ATAD3B: variants seen among roughly 807,000 people sequenced by gnomAD.
ATAD3B encodes ATPase family AAA domain-containing protein 3B.
In ATAD3B, 59 loss-of-function variants were observed where a neutral mutation model predicts 70.2. That is an observed-to-expected ratio of 0.84 (90% CI 0.68 to 1.04). The LOEUF is 1.04. Among genes scored for constraint, ATAD3B ranks in the 50% least tolerant of loss-of-function variants. ATAD3B has a pLI of 0.00. For synonymous variants in ATAD3B, 423 were observed against 388.6 expected, an observed-to-expected ratio of 1.09 and a Z score of -1.04; for missense variants, 961 against 913.4, an observed-to-expected ratio of 1.05 and a Z score of -0.67.
downstream of ATAD3B, among the ~76,000 whole-genome samples, chr1:1,499,279 C>CT (rs752359726): frequency 0.017 from 1,988 of 113,814 alleles, 35 homozygotes; most frequent in African/African-American, 0.032. Flanking sequence ...CCTGGAATAC[C>CT]TTTTTTTTTT....
At position 1,482,654 on chromosome 1, in the gene ATAD3B, A is replaced by G. The variant is rs2862158; in HGVS notation, c.750+40A>G. On this transcript the variant is annotated intron_variant, in intron 7 of 15. Coordinates refer to ENST00000673477, the MANE Select transcript of ATAD3B (RefSeq NM_031921.6). ...AAAACAGGGCTGGCAGGTGGCTGAG[A>G]GGCAGCATGTGGGGGCCTCCTGGAG... The G allele has an allele frequency of 1.6e-3, 2,589 of 1,612,070 alleles. 38 individuals carry two copies. Among genetic ancestry groups the G allele is most frequent in the African/African-American group, 3.5e-3 (259 of 74,900 alleles).
chr1:1,499,258 A>G (rs1424896119), downstream of ATAD3B, among the ~76,000 whole-genome samples: 2 of 148,636 alleles, frequency 1.3e-5, no homozygotes, highest in Non-Finnish European at 3.0e-5. Flanking sequence ...GGCGTGAGCC[A>G]GTGCGCCCGG....
intron 12 of ATAD3B, 111 bp from the exon 13 acceptor site, chr1:1,489,093 A>C (rs894940094): frequency 4.5e-6 from 7 of 1,555,652 alleles, no homozygotes; most frequent in East Asian, 2.3e-5. Flanking sequence ...GATCCATGAA[A>C]GTGTCGCCAC....
At chr1:1,502,357 G>T (rs1312733820), downstream of ATAD3B, among the ~76,000 whole-genome samples, 1 of 151,314 alleles carries the variant, frequency 6.6e-6, no homozygotes, top group East Asian at 1.9e-4. Context: ...TGGGACTACA[G>T]GCGCCCACCA....
intron 1 of ATAD3B, among the ~76,000 whole-genome samples, chr1:1,476,691 G>A (rs1639607669): frequency 6.6e-6 from 1 of 151,626 alleles, no homozygotes; most frequent in Non-Finnish European, 1.5e-5. Context: ...TGTATTTTTA[G>A]TAGAGACGGG....
chr1:1,508,608 G>A, the ATAD3B span, among the ~76,000 whole-genome samples: 1 of 151,426 alleles, frequency 6.6e-6, no homozygotes, highest in East Asian at 1.9e-4. Context: ...GCATTAGGAT[G>A]GAGAGTGACC....
intron 15 of ATAD3B, among the ~76,000 whole-genome samples, chr1:1,492,477 C>CTCT (rs1018401255): frequency 5.2e-5 from 7 of 135,330 alleles, no homozygotes; most frequent in African/African-American, 2.4e-4. Context: ...CAGAGTGAGA[C>CTCT]TGTCTCAAAA....
intron 1 of ATAD3B, among the ~76,000 whole-genome samples, chr1:1,475,212 C>A (rs1417153147): frequency 6.7e-6 from 1 of 149,440 alleles, no homozygotes; most frequent in Non-Finnish European, 1.5e-5. Context: ...TCTCCAGGTG[C>A]ACCGTGGGGA....
rs547099270 is a variant in ATAD3B at position 1,482,271 on chromosome 1, C to A, written c.648C>A (p.Ser216=). Residue 216 remains serine (S), a synonymous_variant, in exon 6 of 16, where the codon TCC becomes TCA. Transcript: ENST00000673477. ...IIREQIRLKA[S]EHRQTVLESI... ...GCGAGCAGATCCGCCTGAAGGCGTCCGAGCACCGTCAGACCGTCTTGGAGT... is the reference window on the plus strand; with the variant it reads ...GCGAGCAGATCCGCCTGAAGGCGTCAGAGCACCGTCAGACCGTCTTGGAGT... 6.2e-7 allele frequency: 1 copy of A among 1,610,606 alleles called. No individual in the cohort carries two copies. The highest frequency in any genetic ancestry group is 1.7e-5 in the Admixed American group (1 of 59,894).
At chr1:1,477,441 G>T in intron 2 of ATAD3B, 91 bp downstream of exon 2, 1 of 1,587,368 alleles carries the variant, frequency 6.3e-7, no homozygotes, top group Non-Finnish European at 8.6e-7. Context: ...GGTAGGGCCA[G>T]GGGCGTGTAC....
chr1:1,494,690 C>T (rs1191500292), intron 15 of ATAD3B, among the ~76,000 whole-genome samples: 9 of 151,998 alleles, frequency 5.9e-5, no homozygotes, highest in African/African-American at 1.9e-4. Flanking sequence ...CCCTGCACCC[C>T]GTGAGATGAA....
At chr1:1,492,896 G>GC (rs903313796) in intron 15 of ATAD3B, among the ~76,000 whole-genome samples, 1 of 150,630 alleles carries the variant, frequency 6.6e-6, no homozygotes, top group Non-Finnish European at 1.5e-5. Context: ...CTGAGATGGT[G>GC]CCACTGCACT....
intron 11 of ATAD3B, 120 bp from the exon 12 acceptor site, chr1:1,487,743 G>C: frequency 7.9e-7 from 1 of 1,265,984 alleles, no homozygotes; most frequent in Non-Finnish European, 1.1e-6. Context: ...GGCTCCTGAT[G>C]GGGCAGAGCC....
Position 1,496,343 on chromosome 1 carries a change from C to T in ATAD3B, c.*526C>T, listed in dbSNP as rs1483542480. 3 of 747,038 alleles carry T rather than the reference C, an allele frequency of 4.0e-6. No homozygotes were observed. Among genetic ancestry groups the T allele is most frequent in the Non-Finnish European group, 4.9e-6 (3 of 611,918 alleles). The allele number at this position is 747,038 out of a possible 1,614,324, so 46.3% of individuals were successfully genotyped here. A position where few individuals can be genotyped will look rare whatever the true frequency, so the allele number is the denominator to read the frequency against. On this transcript the variant is annotated 3_prime_UTR_variant, in exon 16 of 16. Coordinates refer to ENST00000673477, the MANE Select transcript of ATAD3B (RefSeq NM_031921.6). ...GATCACAGAGCGGTGTGCTTCACAT[C>T]AGCCTCGCGCCACATCCGAGTTGGG...
chr1:1,500,293 C>T (rs915158461), downstream of ATAD3B, among the ~76,000 whole-genome samples: 19 of 150,672 alleles, frequency 1.3e-4, no homozygotes, highest in African/African-American at 4.6e-4. Context: ...TGGCTCACGC[C>T]TGTAATCCCA....
At chr1:1,485,462 G>C (rs1455570047) in intron 8 of ATAD3B, among the ~76,000 whole-genome samples, 1 of 151,114 alleles carries the variant, frequency 6.6e-6, no homozygotes, top group African/African-American at 2.5e-5. Context: ...GCCGTCTGTC[G>C]GGGAAGCTGC....
At chr1:1,499,586 C>CTTT (rs71578322), downstream of ATAD3B, among the ~76,000 whole-genome samples, 770 of 65,700 alleles carry the variant, frequency 0.012, 9 homozygotes, top group East Asian at 0.03. Flanking sequence ...CCAAACAGCT[C>CTTT]TTTTTTTTTT....
rs760327891 is a variant in ATAD3B, at chr1:1,479,077, G to A, written c.413G>A (p.Arg138Gln). 9.8e-6 allele frequency: 13 copies of A among 1,323,058 alleles called. No homozygotes were observed. Among genetic ancestry groups the A allele is most frequent in the African/African-American group, 1.9e-5 (1 of 51,310 alleles). 82.0% of individuals were successfully genotyped at this position (1,323,058 alleles called of 1,614,324 possible). A position where few individuals can be genotyped will look rare whatever the true frequency, so the allele number is the denominator to read the frequency against. ...GCCCAGTATCAAGACAAGCTGGCCC[G>A]GCAGCGCTACGAGGACCAACTGAAG... The part of the protein sequence containing the change: ...ARAQYQDKLA[R>Q]QRYEDQLKQQ... Residue 138 changes from arginine (R) to glutamine (Q), a missense_variant, in exon 4 of 16, where the codon CGG becomes CAG. By Grantham distance (43) the Arg-to-Gln change is conservative. Transcript: ENST00000673477.
chr1:1,495,381 C>G (rs926740079), intron 15 of ATAD3B, 104 bp from the exon 16 acceptor site: 1 of 1,437,572 alleles, frequency 7.0e-7, no homozygotes, highest in African/African-American at 1.4e-5. Context: ...CTGAGGTTGT[C>G]CTGGTGCCCC....
Sources: gnomAD v4.1 joint callset for allele counts (sites outside exome capture counted in the v4.1 genomes callset) on GRCh38, gnomAD v4.1.1 for gene constraint, MANE v1.5 for transcripts, NCBI Gene and HGNC (gene_info 2026-07-23, HGNC 2026-07-21) for gene names.